NUP205: variants seen among roughly 807,000 people sequenced by gnomAD.
The protein encoded by NUP205 is nuclear pore complex protein Nup205.
NUP205 carries 76 observed loss-of-function variants against 253.8 expected under a neutral mutation model. The observed-to-expected ratio is 0.30, with a 90% CI of 0.25 to 0.36. The LOEUF (loss-of-function observed/expected upper bound fraction) is 0.36. NUP205 is among the 10% of genes least tolerant of loss of function. The pLI is 1.00. For missense variants in NUP205, 2,162 were observed against 2,425.5 expected (o/e 0.89, Z 2.28); for synonymous variants, 832 against 850.1 (o/e 0.98, Z 0.37).
intron 7 of NUP205, among the ~76,000 whole-genome samples, chr7:135,579,912 T>C (rs1453072629): frequency 1.3e-5 from 2 of 152,200 alleles, no homozygotes; most frequent in Non-Finnish European, 2.9e-5. Context: ...TCCCAGAGTG[T>C]TGGGTTTACA....
rs1182436905 is a variant in NUP205, at chr7:135,628,118, T to C, written c.4932+7T>C. The C allele has an allele frequency of 1.9e-6, 3 of 1,607,044 alleles. No individual in the cohort carries two copies. The highest frequency in any genetic ancestry group is 2.5e-6 in the Non-Finnish European group (3 of 1,176,838). ...CTTGCAGGCAGCAGGGCAGGTAAGG[T>C]GAACCCTTTGTTTAGATATTGTCTA... On this transcript the variant is annotated splice_region_variant and intron_variant, in intron 34 of 42. Coordinates refer to ENST00000285968, the MANE Select transcript of NUP205 (RefSeq NM_015135.3).
At chr7:135,632,446 G>C (rs942206158) in intron 35 of NUP205, among the ~76,000 whole-genome samples, 1 of 151,934 alleles carries the variant, frequency 6.6e-6, no homozygotes, top group African/African-American at 2.4e-5. Flanking sequence ...TAACTACGAG[G>C]CTACACTACC....
chr7:135,609,195 A>C (rs1391203460), intron 22 of NUP205, among the ~76,000 whole-genome samples: 1 of 151,998 alleles, frequency 6.6e-6, no homozygotes, highest in African/African-American at 2.4e-5. Flanking sequence ...TTTTAGGATA[A>C]GAAATGGTGG....
chr7:135,625,019 A>C (rs887530207), intron 31 of NUP205, 145 bp from the exon 32 acceptor site: 4 of 697,212 alleles, frequency 5.7e-6, no homozygotes, highest in Non-Finnish European at 9.2e-6. Context: ...TCAAAAAAAA[A>C]TAAAAAGGAA....
At chr7:135,642,353 G>T (rs1323312490) in intron 38 of NUP205, among the ~76,000 whole-genome samples, 1 of 151,216 alleles carries the variant, frequency 6.6e-6, no homozygotes, top group Non-Finnish European at 1.5e-5. Flanking sequence ...TCTCTAGGAT[G>T]ATTTTTTTTT....
chr7:135,576,881 CA>C (rs527799346), intron 4 of NUP205, 87 bp from the exon 5 acceptor site: 4 of 1,311,596 alleles, frequency 3.0e-6, no homozygotes, highest in Non-Finnish European at 4.2e-6. Flanking sequence ...GGCCCTGTCT[CA>C]AAAAAAGAGC....
At chr7:135,584,173 G>A (rs1027337700) in intron 7 of NUP205, among the ~76,000 whole-genome samples, 2 of 152,092 alleles carry the variant, frequency 1.3e-5, no homozygotes, top group Non-Finnish European at 2.9e-5. Flanking sequence ...TGTTAAATTG[G>A]AATTTGCTTT....
chr7:135,564,245 ATT>A (rs35094813), intron 1 of NUP205, among the ~76,000 whole-genome samples: 88 of 123,972 alleles, frequency 7.1e-4, no homozygotes, highest in East Asian at 4.9e-3. Context: ...ATGCCCAGCT[ATT>A]TTTTTTTTTT....
At chr7:135,609,253 C>A (rs189160044) in intron 22 of NUP205, among the ~76,000 whole-genome samples, 83 of 151,852 alleles carry the variant, frequency 5.5e-4, no homozygotes, top group Admixed American at 8.5e-4. Context: ...ATGGTGAAAC[C>A]CCATCTCTAC....
intron 7 of NUP205, among the ~76,000 whole-genome samples, chr7:135,579,969 G>T (rs1806260570): frequency 6.6e-6 from 1 of 152,118 alleles, no homozygotes; most frequent in Non-Finnish European, 1.5e-5. Context: ...TTAACAACCT[G>T]TTAACTCACT....
intron 4 of NUP205, 23 bp from the exon 5 acceptor site, chr7:135,576,946 T>TAAAC: frequency 1.3e-6 from 2 of 1,596,708 alleles, no homozygotes; most frequent in Non-Finnish European, 1.7e-6. Flanking sequence ...TTAACGTAGT[T>TAAAC]TATTGATTTC....
intron 11 of NUP205, among the ~76,000 whole-genome samples, chr7:135,592,413 G>A (rs1160281160): frequency 1.3e-5 from 2 of 152,186 alleles, no homozygotes; most frequent in Non-Finnish European, 2.9e-5. Context: ...GTAGGTAACC[G>A]ACATCCAAAG....
chr7:135,592,005 A>G (rs1451477002), intron 11 of NUP205, among the ~76,000 whole-genome samples: 1 of 152,098 alleles, frequency 6.6e-6, no homozygotes, highest in Non-Finnish European at 1.5e-5. Context: ...TTTAATTTTC[A>G]GACTGGTTTG....
Position 135,614,221 on chromosome 7 carries a change from C to G in NUP205, c.3258C>G (p.Thr1086=). Reference sequence around the variant, plus strand: ...GTCCTACTATGAGGTACTTGAGAACCAGCCAGGATTTCTTATTTTCCCAGT... The same window carrying G: ...GTCCTACTATGAGGTACTTGAGAACGAGCCAGGATTTCTTATTTTCCCAGT... ...TSGPTMRYLR[T]SQDFLFSQLQ... is the part of the protein sequence containing the mutation. Residue 1086 remains threonine (T), a synonymous_variant, in exon 23 of 43, where the codon ACC becomes ACG. Transcript: ENST00000285968. 1 of 1,612,314 alleles carries G rather than the reference C, an allele frequency of 6.2e-7. No homozygotes were observed. Among genetic ancestry groups the G allele is most frequent in the Non-Finnish European group, 8.5e-7 (1 of 1,178,560 alleles).
At chr7:135,614,683 A>G (rs1192388874) in intron 23 of NUP205, among the ~76,000 whole-genome samples, 1 of 152,222 alleles carries the variant, frequency 6.6e-6, no homozygotes, top group East Asian at 1.9e-4. Context: ...AGATCTTGAA[A>G]TGAAAAGTTG....
Position 135,598,178 on chromosome 7 carries a change from A to T in NUP205, c.2245A>T (p.Thr749Ser). 6.2e-7 allele frequency: 1 copy of T among 1,614,128 alleles called. No homozygotes were observed. Among genetic ancestry groups the T allele is most frequent in the Non-Finnish European group, 8.5e-7 (1 of 1,179,988 alleles). ...AGACTCTGTGTTTCTACGATTCCGT[A>T]CAAGAGCTTACCGGAGAGCAGCTGA... ...LRDSVFLRFR[T>S]RAYRRAAEKW... Residue 749 changes from threonine (T) to serine (S), a missense_variant, in exon 15 of 43, where the codon ACA becomes TCA. By Grantham distance (58) the Thr-to-Ser change is moderately conservative (BLOSUM62 1). Transcript: ENST00000285968.
intron 1 of NUP205, among the ~76,000 whole-genome samples, chr7:135,565,543 CT>C (rs1453740099): frequency 6.6e-6 from 1 of 151,860 alleles, no homozygotes; most frequent in Admixed American, 6.6e-5. Flanking sequence ...AGCTATTCTC[CT>C]GCCTCAGCCT....
At chr7:135,570,048 TATATAGAGAGAGAG>T (rs1203030428) in intron 1 of NUP205, among the ~76,000 whole-genome samples, 122 of 99,776 alleles carry the variant, frequency 1.2e-3, no homozygotes, top group East Asian at 2.6e-3. Flanking sequence ...TATATATATA[TATATAGAGAGAGAG>T]AGAGAGAGAG....
intron 30 of NUP205, among the ~76,000 whole-genome samples, chr7:135,620,596 C>T (rs1288757408): frequency 6.6e-6 from 1 of 152,196 alleles, no homozygotes; most frequent in Non-Finnish European, 1.5e-5. Flanking sequence ...TTTCCTTATT[C>T]ACAGGCATTT....
Sources: allele counts gnomAD v4.1 joint callset (sites outside exome capture counted in the v4.1 genomes callset), GRCh38; gene constraint gnomAD v4.1.1; transcripts MANE v1.5; gene names NCBI Gene and HGNC (gene_info 2026-07-23, HGNC 2026-07-21).